CLASP2: variants seen among roughly 807,000 people sequenced by gnomAD.
The protein encoded by CLASP2 is CLIP-associating protein 2.
In CLASP2, 47 loss-of-function variants were observed where a neutral mutation model predicts 194.4. That is an observed-to-expected ratio of 0.24 (90% confidence interval 0.19 to 0.31). The LOEUF (loss-of-function observed/expected upper bound fraction) is 0.31. Ranked by LOEUF, CLASP2 falls within the 10% of genes least tolerant of loss-of-function variation. The pLI is 1.00. For synonymous variants in CLASP2, 619 were observed against 633.5 expected, an observed-to-expected ratio of 0.98 and a Z score of 0.34; for missense variants, 1,445 against 1,823.6, an observed-to-expected ratio of 0.79 and a Z score of 3.78.
chr3:33,618,627 A>G (rs2076608919), intron 12 of CLASP2, among the ~76,000 whole-genome samples: 1 of 152,182 alleles, frequency 6.6e-6, no homozygotes, highest in African/African-American at 2.4e-5. Flanking sequence ...TGCCTGGGTG[A>G]CAGAGTGAGA....
Position 33,584,826 on chromosome 3 carries a change from G to C in CLASP2, c.2163C>G (p.Ala721=), listed in dbSNP as rs375340872. Residue 721 remains alanine (A), a synonymous_variant, in exon 22 of 39, where the codon GCC becomes GCG. Coordinates refer to ENST00000682230, the MANE Select transcript of CLASP2 (RefSeq NM_001365631.1). ...SGVQRVLVNS[A]SAQKRSKIPR... is the part of the protein sequence containing the mutation. ...GTATCTTGCTTCTTTTTTGTGCTGAGGCTGAATTGACCAGGACTCTTTGAA... is the reference window on the plus strand; with the variant it reads ...GTATCTTGCTTCTTTTTTGTGCTGACGCTGAATTGACCAGGACTCTTTGAA... 13 of 1,613,676 alleles carry C rather than the reference G, an allele frequency of 8.1e-6. 1 individual carries two copies. In the South Asian group the frequency reaches 1.2e-4, roughly 15 times the overall value.
chr3:33,687,281 C>T (rs1392981195), intron 4 of CLASP2, 146 bp from the exon 5 acceptor site: 3 of 552,542 alleles, frequency 5.4e-6, no homozygotes, highest in East Asian at 3.1e-5. Flanking sequence ...GGATATGAGA[C>T]ATAAGCAAAA....
At chr3:33,594,909 T>C in intron 20 of CLASP2, 42 bp downstream of exon 20, 2 of 1,133,154 alleles carry the variant, frequency 1.8e-6, no homozygotes. Context: ...AAAATAGTAA[T>C]GTAGATGTAT....
intron 21 of CLASP2, chr3:33,592,065 C>G: frequency 1.6e-6 from 1 of 612,538 alleles, no homozygotes. Context: ...TATCTCCATG[C>G]AAAAGTTTGT....
intron 2 of CLASP2, among the ~76,000 whole-genome samples, chr3:33,694,110 A>G (rs2091630925): frequency 6.6e-6 from 1 of 152,180 alleles, no homozygotes; most frequent in African/African-American, 2.4e-5. Flanking sequence ...AAACGAAATA[A>G]GGGCACAGCA....
chr3:33,572,387 T>C (rs945442460), intron 25 of CLASP2, among the ~76,000 whole-genome samples: 10 of 152,222 alleles, frequency 6.6e-5, no homozygotes, highest in African/African-American at 2.4e-4. Context: ...ATAGTTCTAA[T>C]ACTTCCTAAA....
At chr3:33,631,017 G>A (rs530559952) in intron 9 of CLASP2, among the ~76,000 whole-genome samples, 1 of 152,206 alleles carries the variant, frequency 6.6e-6, no homozygotes, top group East Asian at 1.9e-4. Context: ...AGTCAAATCA[G>A]AAAACTTTTT....
At chr3:33,611,643 T>C (rs1006731630) in intron 13 of CLASP2, among the ~76,000 whole-genome samples, 2 of 152,156 alleles carry the variant, frequency 1.3e-5, no homozygotes, top group African/African-American at 2.4e-5. Flanking sequence ...TACTAACCTA[T>C]GCAGGGACTA....
chr3:33,551,679 A>G (rs2060029605), intron 29 of CLASP2, among the ~76,000 whole-genome samples: 1 of 152,072 alleles, frequency 6.6e-6, no homozygotes, highest in Non-Finnish European at 1.5e-5. Flanking sequence ...AGTGTTGATG[A>G]TTTTTGTTTT....
At chr3:33,711,174 G>A (rs2092986070) in intron 1 of CLASP2, among the ~76,000 whole-genome samples, 1 of 151,794 alleles carries the variant, frequency 6.6e-6, no homozygotes, top group African/African-American at 2.4e-5. Context: ...GAGGTTTTGT[G>A]TTTTTCTCCA....
Position 33,510,602 on chromosome 3 carries a change from T to C in CLASP2, c.4273A>G (p.Thr1425Ala). The change falls in exon 37 of 39, where the codon ACC becomes GCC. Residue 1425 changes from threonine (T) to alanine (A), a missense_variant. Around this residue, in one of 4 missense-constraint regions of CLASP2, gnomAD observed 732 missense variants for 987.9 expected, o/e 0.74. Transcript: ENST00000682230. The part of the protein sequence containing the change: ...TKVIERVSKE[T>A]LNLLLPEIMP... ...ATCTCTGGCAAAAGCAGGTTTAGGG[T>C]TTCCTTGGACACTCTCTCTATCACT... 6.2e-7 allele frequency: 1 copy of C among 1,613,896 alleles called. No individual in the cohort carries two copies. The highest frequency in any genetic ancestry group is 8.5e-7 in the Non-Finnish European group (1 of 1,179,872).
intron 2 of CLASP2, among the ~76,000 whole-genome samples, chr3:33,693,508 G>A (rs1262113119): frequency 6.6e-6 from 1 of 152,138 alleles, no homozygotes; most frequent in East Asian, 1.9e-4. Context: ...CTAACTCTGG[G>A]ACTCTTAGTC....
chr3:33,687,843 GTC>G (rs1268730563), intron 4 of CLASP2, among the ~76,000 whole-genome samples: 2 of 152,292 alleles, frequency 1.3e-5, no homozygotes, highest in Middle Eastern at 3.4e-3. Flanking sequence ...CAGCCTCACT[GTC>G]CAGTTACCTG....
intron 7 of CLASP2, among the ~76,000 whole-genome samples, chr3:33,649,046 T>G (rs369757757): frequency 6.6e-6 from 1 of 152,206 alleles, no homozygotes; most frequent in Non-Finnish European, 1.5e-5. Flanking sequence ...CTCTCCAACC[T>G]TATCTCCTAC....
At chr3:33,647,894 G>A (rs367806453) in intron 7 of CLASP2, among the ~76,000 whole-genome samples, 39 of 152,010 alleles carry the variant, frequency 2.6e-4, no homozygotes, top group Admixed American at 2.1e-3. Context: ...TTAGCCAGGC[G>A]TGGTGGTGGG....
intron 34 of CLASP2, among the ~76,000 whole-genome samples, chr3:33,520,606 T>A: frequency 6.6e-6 from 1 of 151,894 alleles, no homozygotes; most frequent in East Asian, 1.9e-4. Flanking sequence ...AGTAGATCTG[T>A]GCAAGTAAGG....
intron 36 of CLASP2, 138 bp from the exon 37 acceptor site, chr3:33,510,902 G>A: frequency 1.3e-6 from 1 of 782,780 alleles, no homozygotes; most frequent in East Asian, 2.7e-5. Flanking sequence ...AACATGAAAA[G>A]TGAGGGTACA....
intron 37 of CLASP2, 80 bp downstream of exon 37, chr3:33,510,478 T>A: frequency 7.7e-7 from 1 of 1,299,950 alleles, no homozygotes; most frequent in Non-Finnish European, 1.1e-6. Context: ...ATCATGCCAG[T>A]AATGATGCCT....
intron 1 of CLASP2, among the ~76,000 whole-genome samples, chr3:33,704,738 T>C (rs555521721): frequency 6.6e-6 from 1 of 151,732 alleles, no homozygotes; most frequent in South Asian, 2.1e-4. Context: ...GGGTGACAGA[T>C]GGAGACGCAG....
Sources: allele counts gnomAD v4.1 joint callset (sites outside exome capture counted in the v4.1 genomes callset), GRCh38; gene constraint gnomAD v4.1.1; regional missense constraint gnomAD v4.1.1; transcripts MANE v1.5; gene names NCBI Gene and HGNC (gene_info 2026-07-23, HGNC 2026-07-21).